The following SLTM variants were observed in gnomAD, a reference collection of about 807,000 sequenced individuals.
SLTM encodes the protein SAFB like transcription modulator.
A neutral mutation model predicts 134.6 loss-of-function variants in SLTM; 43 were observed. That is an observed-to-expected ratio of 0.32 (90% CI 0.25 to 0.41). The LOEUF (loss-of-function observed/expected upper bound fraction) is 0.41. SLTM is among the 10% of genes least tolerant of loss of function. The pLI is 1.00. For synonymous variants in SLTM, 424 were observed against 432.3 expected (o/e 0.98, Z 0.24); for missense variants, 1,055 against 1,288.8 (o/e 0.82, Z 2.78).
rs373948484 is a variant in SLTM, at chr15:58,894,710, T to G, written c.1228-128A>C. On this transcript the variant is annotated intron_variant, in intron 9 of 20. Transcript: ENST00000380516. ...TGTATCTTATTCTGTCTCATGTTTT[T>G]TTTTTTTTTTTTGAGATGGAGTCAC... The G allele has an allele frequency of 2.9e-3, 2,671 of 927,612 alleles. 53 individuals carry two copies. In the African/African-American group the frequency reaches 0.04, roughly 14 times the overall value. The allele number at this position is 927,612 out of a possible 1,614,324, so 57.5% of individuals were successfully genotyped here. A position where few individuals can be genotyped will look rare whatever the true frequency, so the allele number is the denominator to read the frequency against.
chr15:58,884,021 C>T (rs1337016557), intron 19 of SLTM, among the ~76,000 whole-genome samples: 3 of 151,642 alleles, frequency 2.0e-5, no homozygotes, highest in African/African-American at 4.8e-5. Flanking sequence ...ATCACTTGAA[C>T]CCGGGAGGCA....
intron 6 of SLTM, chr15:58,901,058 T>G: frequency 1.8e-6 from 1 of 545,794 alleles, no homozygotes; most frequent in Non-Finnish European, 3.3e-6. Flanking sequence ...TATGTACTAT[T>G]AAGTTGCAAT....
chr15:58,912,574 G>C lies in SLTM; in HGVS notation c.550C>G (p.Leu184Val). 1 of 1,612,298 alleles carries C rather than the reference G, an allele frequency of 6.2e-7. No individual in the cohort carries two copies. Among genetic ancestry groups the C allele is most frequent in the African/African-American group, 1.3e-5 (1 of 75,002 alleles). The change falls in exon 5 of 21, where the codon CTA becomes GTA. Residue 184 changes from leucine (L) to valine (V), a missense_variant. By Grantham distance (32) the Leu-to-Val change is conservative. Around this residue, in one of 3 missense-constraint regions of SLTM, gnomAD observed 268 missense variants for 284.3 expected, o/e 0.94. Coordinates refer to ENST00000380516, the MANE Select transcript of SLTM (RefSeq NM_024755.4). The part of the protein sequence containing the change: ...EAQEGEDDTF[L>V]TAQDGEEEEN... ...AAATGTAAACTTACTTGGGCTGTTA[G>C]AAAGGTATCATCTTCACCTTCTTGA... is the stretch of plus-strand genomic sequence containing the variant.
chr15:58,904,129 G>A (rs1017727010), intron 5 of SLTM, among the ~76,000 whole-genome samples: 15 of 151,802 alleles, frequency 9.9e-5, no homozygotes, highest in African/African-American at 1.5e-4. Context: ...TCGGCCTCCC[G>A]AGTAGCTGGA....
At chr15:58,904,088 T>G (rs1335089981) in intron 5 of SLTM, among the ~76,000 whole-genome samples, 2 of 152,138 alleles carry the variant, frequency 1.3e-5, no homozygotes, top group Admixed American at 1.3e-4. Context: ...CTGCAACCTC[T>G]GCCTCCCAGG....
intron 5 of SLTM, among the ~76,000 whole-genome samples, chr15:58,908,157 A>G (rs2036007912): frequency 6.6e-6 from 1 of 151,710 alleles, no homozygotes; most frequent in East Asian, 1.9e-4. Flanking sequence ...CCTGGACTCA[A>G]GCAATCCTCC....
At chr15:58,903,181 G>T (rs1020687727) in intron 5 of SLTM, among the ~76,000 whole-genome samples, 8 of 151,942 alleles carry the variant, frequency 5.3e-5, no homozygotes, top group Non-Finnish European at 1.2e-4. Flanking sequence ...ATTACAAGCT[G>T]AGCCACCGTA....
At chr15:58,896,692 A>T (rs2035105976) in intron 9 of SLTM, among the ~76,000 whole-genome samples, 2 of 152,224 alleles carry the variant, frequency 1.3e-5, no homozygotes. Flanking sequence ...ACTGGACTAG[A>T]AATCTGTAAC....
At chr15:58,913,372 A>C (rs998176742) in intron 4 of SLTM, 127 bp downstream of exon 4, 2 of 747,666 alleles carry the variant, frequency 2.7e-6, no homozygotes, top group African/African-American at 1.8e-5. Context: ...TAGATGACTT[A>C]TAAGTAGCTT....
chr15:58,896,762 T>C (rs1220050173), intron 9 of SLTM, among the ~76,000 whole-genome samples: 1 of 152,154 alleles, frequency 6.6e-6, no homozygotes, highest in South Asian at 2.1e-4. Flanking sequence ...TGACTAATAA[T>C]AGTCTAAATA....
intron 12 of SLTM, among the ~76,000 whole-genome samples, 185 bp downstream of exon 12, chr15:58,893,636 A>C (rs1176650115): frequency 6.6e-6 from 1 of 152,190 alleles, no homozygotes; most frequent in Admixed American, 6.5e-5. Context: ...TAGCTGGAAG[A>C]ATACATTTGT....
intron 2 of SLTM, among the ~76,000 whole-genome samples, chr15:58,924,497 G>A (rs1156672494): frequency 2.0e-5 from 3 of 152,154 alleles, no homozygotes; most frequent in Non-Finnish European, 4.4e-5. Flanking sequence ...CCTCCCAGTG[G>A]CTTCTGGAAC....
chr15:58,885,821 AACAC>A (rs59007619), intron 19 of SLTM, among the ~76,000 whole-genome samples: 7 of 151,162 alleles, frequency 4.6e-5, no homozygotes, highest in African/African-American at 9.7e-5. Context: ...AAAAAACAAC[AACAC>A]ACACACACAC....
At chr15:58,932,479 C>A (rs771723971) in intron 1 of SLTM, 36 bp from the exon 2 acceptor site, 8 of 1,413,386 alleles carry the variant, frequency 5.7e-6, no homozygotes, top group Non-Finnish European at 8.0e-6. Flanking sequence ...GCTACACAAT[C>A]TATCTAAACT....
chr15:58,913,814 C>T, intron 3 of SLTM, 118 bp from the exon 4 acceptor site: 1 of 731,528 alleles, frequency 1.4e-6, no homozygotes. Flanking sequence ...TTTAATATTC[C>T]CAAAGTTCAT....
At chr15:58,906,254 A>G (rs2035862128) in intron 5 of SLTM, among the ~76,000 whole-genome samples, 1 of 152,218 alleles carries the variant, frequency 6.6e-6, no homozygotes, top group Non-Finnish European at 1.5e-5. Flanking sequence ...GAATATAGCA[A>G]GTAAATGTAA....
chr15:58,910,933 A>C (rs960500321), intron 5 of SLTM, among the ~76,000 whole-genome samples: 2 of 151,678 alleles, frequency 1.3e-5, no homozygotes, highest in East Asian at 3.9e-4. Flanking sequence ...TTTAGTAGAG[A>C]CCAGGTTTCA....
intron 5 of SLTM, among the ~76,000 whole-genome samples, chr15:58,909,316 A>G (rs1325488229): frequency 2.6e-5 from 4 of 152,210 alleles, no homozygotes; most frequent in Non-Finnish European, 5.9e-5. Context: ...ATTCAAATCC[A>G]TGAGTTCAAA....
intron 2 of SLTM, chr15:58,921,602 C>T (rs1228281940): frequency 2.3e-6 from 1 of 441,416 alleles, no homozygotes; most frequent in East Asian, 7.1e-5. Flanking sequence ...GACATTAGGA[C>T]AAGATTGTCA....
Sources: allele counts gnomAD v4.1 joint callset (sites outside exome capture counted in the v4.1 genomes callset), GRCh38; gene constraint gnomAD v4.1.1; regional missense constraint gnomAD v4.1.1; transcripts MANE v1.5; gene names NCBI Gene and HGNC (gene_info 2026-07-23, HGNC 2026-07-21).